The following UTRN variants were observed in gnomAD, a reference collection of about 807,000 sequenced individuals.
The protein encoded by UTRN is utrophin, also known as dystrophin-related protein 1.
UTRN carries 283 observed loss-of-function variants against 463.9 expected under a neutral mutation model. The observed-to-expected ratio is 0.61, with a 90% confidence interval of 0.55 to 0.67. The LOEUF (loss-of-function observed/expected upper bound fraction) is 0.67. Among genes scored for constraint, UTRN ranks in the 30% least tolerant of loss-of-function variants. The pLI is 0.00. For synonymous variants in UTRN, 1,442 were observed against 1,431.5 expected (o/e 1.01, Z -0.17); for missense variants, 3,922 against 4,084.3 (o/e 0.96, Z 1.08).
At chr6:144,555,605 A>G (rs1222277874) in intron 49 of UTRN, among the ~76,000 whole-genome samples, 1 of 152,008 alleles carries the variant, frequency 6.6e-6, no homozygotes, top group Non-Finnish European at 1.5e-5. Flanking sequence ...TAATTTTTGT[A>G]TTTTCTGTAG....
At chr6:144,374,869 C>T (rs534234362) in intron 2 of UTRN, among the ~76,000 whole-genome samples, 2 of 149,360 alleles carry the variant, frequency 1.3e-5, no homozygotes, top group Non-Finnish European at 3.0e-5. Flanking sequence ...TCACTTGAAC[C>T]TGGGAGGCGG....
At position 144,341,613 on chromosome 6, in the gene UTRN, C is replaced by G. The variant is rs529203417; in HGVS notation, c.79+49706C>G. Among the ~76,000 whole-genome samples, 14 of 152,294 alleles carry G rather than the reference C, an allele frequency of 9.2e-5. 1 individual carries two copies. In the South Asian group the frequency reaches 2.7e-3, roughly 29 times the overall value. On this transcript the variant is annotated intron_variant, in intron 2 of 74. Transcript: ENST00000367545. ...TCCTTAATCTTAAATCACATCTGGT[C>G]TAACAATTCTTCCTATAAACAGTTA...
chr6:144,485,140 G>A (rs2128575916), intron 27 of UTRN, among the ~76,000 whole-genome samples: 1 of 151,972 alleles, frequency 6.6e-6, no homozygotes, highest in South Asian at 2.1e-4. Context: ...TAGCCAGGAT[G>A]GTCTTAATCT....
chr6:144,311,665 G>A (rs1451687293), intron 2 of UTRN: 2 of 152,230 alleles, frequency 1.3e-5, no homozygotes, highest in Non-Finnish European at 2.9e-5. Context: ...ATGCTTAATT[G>A]TGCGAGCTGT....
Position 144,491,105 on chromosome 6 carries a change from G to C in UTRN, c.4437+3G>C. ...AGACGCACCTGGACAAGTGTATGGTGAGGCTTTTGGGTGATTGGCACATCC... is the reference window on the plus strand; with the variant it reads ...AGACGCACCTGGACAAGTGTATGGTCAGGCTTTTGGGTGATTGGCACATCC... On this transcript the variant is annotated splice_donor_region_variant and intron_variant, in intron 32 of 74. Transcript: ENST00000367545. 6.3e-7 allele frequency: 1 copy of C among 1,594,446 alleles called. No individual in the cohort carries two copies. The highest frequency in any genetic ancestry group is 8.5e-7 in the Non-Finnish European group (1 of 1,171,336).
At chr6:144,748,628 C>T (rs773654091) in intron 55 of UTRN, 114 bp downstream of exon 55, 1 of 1,340,214 alleles carries the variant, frequency 7.5e-7, no homozygotes, top group Non-Finnish European at 9.9e-7. Flanking sequence ...AAAGCCAACG[C>T]CGCTGCAACC....
At chr6:144,406,173 C>T (rs551126312) in intron 3 of UTRN, among the ~76,000 whole-genome samples, 12 of 152,060 alleles carry the variant, frequency 7.9e-5, no homozygotes, top group African/African-American at 2.9e-4. Flanking sequence ...TTACTGGGTC[C>T]CTCATTAATT....
At chr6:144,680,639 A>G (rs1310304280) in intron 52 of UTRN, among the ~76,000 whole-genome samples, 1 of 152,168 alleles carries the variant, frequency 6.6e-6, no homozygotes. Flanking sequence ...AGAGGTTCAC[A>G]AATCTGTTTA....
chr6:144,749,233 A>G (rs1791105380), intron 55 of UTRN, among the ~76,000 whole-genome samples: 1 of 152,240 alleles, frequency 6.6e-6, no homozygotes, highest in Non-Finnish European at 1.5e-5. Context: ...GATGGTTTAA[A>G]GTATACCCCA....
At position 144,539,365 on chromosome 6, in the gene UTRN, T is replaced by A. The variant is rs141710516; in HGVS notation, c.6441T>A (p.Leu2147=). 6.2e-7 allele frequency: 1 copy of A among 1,613,504 alleles called. No homozygotes were observed. Among genetic ancestry groups the A allele is most frequent in the Non-Finnish European group, 8.5e-7 (1 of 1,179,726 alleles). Residue 2147 remains leucine, a synonymous_variant, in exon 45 of 75, where the codon CTT becomes CTA. Coordinates refer to ENST00000367545, the MANE Select transcript of UTRN (RefSeq NM_007124.3). ...TGAATAGAACTGAATTGGAGATGCT[T>A]TCAGATAAAAGTCTGAGTTTACCTG... The part of the protein sequence containing the change: ...KWLNRTELEM[L]SDKSLSLPER...
intron 60 of UTRN, among the ~76,000 whole-genome samples, chr6:144,779,833 G>A (rs1775658408): frequency 6.6e-6 from 1 of 152,064 alleles, no homozygotes; most frequent in Non-Finnish European, 1.5e-5. Flanking sequence ...TAACTCATAT[G>A]AAGCTTATTT....
chr6:144,332,787 T>C (rs1438318322), intron 2 of UTRN, among the ~76,000 whole-genome samples: 1 of 152,114 alleles, frequency 6.6e-6, no homozygotes, highest in Admixed American at 6.5e-5. Context: ...ATAATTTTGG[T>C]GATTTACTCT....
intron 51 of UTRN, among the ~76,000 whole-genome samples, chr6:144,669,548 TAA>T (rs1011532090): frequency 2.6e-5 from 4 of 152,196 alleles, no homozygotes; most frequent in African/African-American, 9.6e-5. Flanking sequence ...TTTTTATACA[TAA>T]GTCTTCTTAA....
chr6:144,579,714 T>C (rs1286807040), intron 51 of UTRN, among the ~76,000 whole-genome samples: 1 of 152,192 alleles, frequency 6.6e-6, no homozygotes, highest in African/African-American at 2.4e-5. Flanking sequence ...AATATTAAAA[T>C]ACATTATAAT....
At chr6:144,746,293 G>A (rs1006332939) in intron 54 of UTRN, among the ~76,000 whole-genome samples, 2 of 151,246 alleles carry the variant, frequency 1.3e-5, no homozygotes, top group East Asian at 2.0e-4. Flanking sequence ...GTGAGCTACC[G>A]CACCCAGCCT....
In UTRN at chr6:144,448,754, T is replaced by C. The variant is rs749474822; in HGVS notation, c.2057T>C (p.Ile686Thr). The change falls in exon 17 of 75, where the codon ATT (isoleucine) becomes ACT (threonine). Residue 686 changes from isoleucine (I) to threonine (T), a missense_variant. Physicochemically the swap from Ile to Thr is moderately conservative, Grantham distance 89. Coordinates refer to ENST00000367545, the MANE Select transcript of UTRN (RefSeq NM_007124.3). ...PPKKRQIHVDIEAKKKFDAIS... is the reference protein window; with the variant it reads ...PPKKRQIHVDTEAKKKFDAIS... ...AAGAAGAGACAGATCCATGTGGATA[T>C]TGAAGCTAAGAAAAAGTGAGAAGAG... The C allele has an allele frequency of 9.9e-6, 16 of 1,613,216 alleles. No homozygotes were observed. In the Admixed American group the frequency reaches 1.3e-4, roughly 13 times the overall value.
At chr6:144,389,117 A>T (rs1781677117) in intron 2 of UTRN, among the ~76,000 whole-genome samples, 1 of 152,208 alleles carries the variant, frequency 6.6e-6, no homozygotes, top group Non-Finnish European at 1.5e-5. Context: ...ACATCAATCA[A>T]CATATGTAAG....
At chr6:144,533,788 ATTT>A (rs1797290670) in intron 43 of UTRN, among the ~76,000 whole-genome samples, 2 of 151,802 alleles carry the variant, frequency 1.3e-5, no homozygotes, top group Non-Finnish European at 2.9e-5. Context: ...CTCAGATTTT[ATTT>A]GGGCATCTTC....
At chr6:144,339,230 G>T (rs1303993374) in intron 2 of UTRN, among the ~76,000 whole-genome samples, 1 of 152,186 alleles carries the variant, frequency 6.6e-6, no homozygotes, top group Non-Finnish European at 1.5e-5. Flanking sequence ...TTTCTGGAAA[G>T]ACTCAAAAGT....
Sources: gnomAD v4.1 joint callset for allele counts (sites outside exome capture counted in the v4.1 genomes callset) on GRCh38, gnomAD v4.1.1 for gene constraint, MANE v1.5 for transcripts, NCBI Gene and HGNC (gene_info 2026-07-23, HGNC 2026-07-21) for gene names.